CTNNA3: variants seen among roughly 807,000 people sequenced by gnomAD.
CTNNA3 encodes the protein catenin alpha 3, also known as catenin alpha-3.
In CTNNA3, 76 loss-of-function variants were observed where a neutral mutation model predicts 95.7. The observed-to-expected ratio is 0.79, with a 90% CI of 0.66 to 0.96. The LOEUF is 0.96. Among genes scored for constraint, CTNNA3 ranks in the 40% least tolerant of loss-of-function variants. The probability of loss-of-function intolerance (pLI) is 0.00; values close to 1 mark genes in which losing one functional copy is unlikely to be tolerated. For missense variants in CTNNA3, 1,191 were observed against 1,089.8 expected (o/e 1.09, Z -1.31); for synonymous variants, 431 against 374.4 (o/e 1.15, Z -1.74).
At chr10:67,082,082 G>A (rs1857085631) in intron 7 of CTNNA3, among the ~76,000 whole-genome samples, 1 of 152,172 alleles carries the variant, frequency 6.6e-6, no homozygotes, top group South Asian at 2.1e-4. Flanking sequence ...ATTGCAGATT[G>A]CAGTCAGCAT....
chr10:66,782,319 G>A (rs1030927833), intron 7 of CTNNA3, among the ~76,000 whole-genome samples: 1 of 151,982 alleles, frequency 6.6e-6, no homozygotes, highest in African/African-American at 2.4e-5. Flanking sequence ...GTCACACTTG[G>A]GTTTCTTGAA....
chr10:67,664,724 AAG>A (rs1282219320), intron 1 of CTNNA3, among the ~76,000 whole-genome samples: 1 of 152,220 alleles, frequency 6.6e-6, no homozygotes, highest in Non-Finnish European at 1.5e-5. Flanking sequence ...GGAATAAATA[AAG>A]AGTCATTCTA....
At chr10:67,567,659 G>A (rs187779611) in intron 3 of CTNNA3, among the ~76,000 whole-genome samples, 40 of 152,080 alleles carry the variant, frequency 2.6e-4, no homozygotes, top group South Asian at 8.3e-4. Flanking sequence ...CTATAGCCTC[G>A]GTAGTTATGC....
chr10:66,647,655 C>T (rs374587829), intron 9 of CTNNA3, among the ~76,000 whole-genome samples: 2 of 150,590 alleles, frequency 1.3e-5, no homozygotes, highest in East Asian at 2.0e-4. Flanking sequence ...GGACTACAGG[C>T]ACCTGCCACC....
intron 1 of CTNNA3, among the ~76,000 whole-genome samples, chr10:67,682,644 T>C (rs1840649907): frequency 6.6e-6 from 1 of 152,226 alleles, no homozygotes; most frequent in Non-Finnish European, 1.5e-5. Flanking sequence ...TTATGTGTAC[T>C]CTTGAATATT....
chr10:65,950,985 G>A lies in CTNNA3; in HGVS notation c.2400+15627C>T, dbSNP rs969552525. 3.3e-5 allele frequency among the ~76,000 whole-genome samples: 5 copies of A among 152,078 alleles called. No homozygotes were observed. In the East Asian group the frequency reaches 5.8e-4, roughly 18 times the overall value. On this transcript the variant is annotated intron_variant, in intron 17 of 17. Transcript: ENST00000433211. ...AAACAGATCACTGCCATTTGTGAGA[G>A]AGATACCACAGCAGTCTCAGTAAAC... is the stretch of plus-strand genomic sequence containing the variant.
At chr10:66,428,773 T>C (rs893689800) in intron 11 of CTNNA3, among the ~76,000 whole-genome samples, 3 of 152,032 alleles carry the variant, frequency 2.0e-5, no homozygotes, top group Non-Finnish European at 4.4e-5. Flanking sequence ...GGGAAATTTA[T>C]AGCACTAAAT....
chr10:67,346,723 T>A (rs1427337831), intron 5 of CTNNA3: 1 of 510,982 alleles, frequency 2.0e-6, no homozygotes, highest in East Asian at 5.5e-5. Flanking sequence ...TAATCCAAAT[T>A]TCTTCCCTCA....
At chr10:67,711,508 C>A (rs1273353021) in intron 1 of CTNNA3, among the ~76,000 whole-genome samples, 1 of 152,098 alleles carries the variant, frequency 6.6e-6, no homozygotes, top group Admixed American at 6.5e-5. Flanking sequence ...TTTGCCCCTT[C>A]CCTAAAGATG....
At chr10:66,612,313 G>A (rs1027457522) in intron 10 of CTNNA3, among the ~76,000 whole-genome samples, 1 of 152,048 alleles carries the variant, frequency 6.6e-6, no homozygotes, top group African/African-American at 2.4e-5. Flanking sequence ...AGTTGACACA[G>A]AATTTTCAAA....
intron 7 of CTNNA3, chr10:67,099,673 C>G (rs1858222985): frequency 6.6e-6 from 1 of 152,158 alleles, no homozygotes; most frequent in South Asian, 2.1e-4. Context: ...GAAGCAAATT[C>G]TATTACTAAT....
At chr10:67,432,738 CT>C (rs928834490) in intron 5 of CTNNA3, among the ~76,000 whole-genome samples, 1 of 152,024 alleles carries the variant, frequency 6.6e-6, no homozygotes, top group African/African-American at 2.4e-5. Context: ...AACATTCACT[CT>C]TTTGCCATAT....
rs115242229 is a variant in CTNNA3, at chr10:66,086,304, G to A, written c.1978-16815C>T. Among the ~76,000 whole-genome samples, 166 of 152,140 alleles carry A rather than the reference G, an allele frequency of 1.1e-3. 1 individual carries two copies. The highest frequency in any genetic ancestry group is 6.8e-3 in the Middle Eastern group (2 of 294). ...GGCTTCAATTAGTTAAGCTTTCAAA[G>A]GTAAAACTCTAGGGTGTTTGGAGGA... On this transcript the variant is annotated intron_variant, in intron 14 of 17. Transcript: ENST00000433211.
intron 5 of CTNNA3, among the ~76,000 whole-genome samples, chr10:67,221,604 G>A (rs968907454): frequency 2.6e-5 from 4 of 151,632 alleles, no homozygotes; most frequent in African/African-American, 7.3e-5. Flanking sequence ...TGACAGAGTC[G>A]CGCTCTGTCG....
In CTNNA3 at chr10:66,102,132, A is replaced by C. The variant is rs558516556; in HGVS notation, c.1977+1025T>G. Among the ~76,000 whole-genome samples, 3 of 152,298 alleles carry C rather than the reference A, an allele frequency of 2.0e-5. No homozygotes were observed. In the East Asian group the frequency reaches 5.8e-4, roughly 29 times the overall value. ...CAATATAAGTGCTTCAACATCAGAT[A>C]CAACCATAAGAGGCCAGAAAACAGA... On this transcript the variant is annotated intron_variant, in intron 14 of 17. Transcript: ENST00000433211.
At chr10:67,074,414 G>C (rs1252395745) in intron 7 of CTNNA3, among the ~76,000 whole-genome samples, 1 of 127,536 alleles carries the variant, frequency 7.8e-6, no homozygotes, top group Non-Finnish European at 1.6e-5. Flanking sequence ...GCAGTGGCAC[G>C]ATCTCGGCTC....
intron 7 of CTNNA3, among the ~76,000 whole-genome samples, chr10:66,857,970 C>T (rs1843746360): frequency 6.6e-6 from 1 of 152,020 alleles, no homozygotes; most frequent in East Asian, 1.9e-4. Flanking sequence ...ACAGGGCATC[C>T]TTGTCTTGTT....
intron 5 of CTNNA3, among the ~76,000 whole-genome samples, chr10:67,391,427 C>T (rs959616594): frequency 6.6e-6 from 1 of 152,130 alleles, no homozygotes; most frequent in Admixed American, 6.5e-5. Flanking sequence ...AATGGAAGAA[C>T]ATTCCACGCT....
At chr10:65,959,257 G>A (rs762251940) in intron 17 of CTNNA3, among the ~76,000 whole-genome samples, 1 of 152,142 alleles carries the variant, frequency 6.6e-6, no homozygotes, top group African/African-American at 2.4e-5. Context: ...CAGTATTAGG[G>A]TGGGAGTGTC....
Sources: gnomAD v4.1 joint callset for allele counts (sites outside exome capture counted in the v4.1 genomes callset) on GRCh38, gnomAD v4.1.1 for gene constraint, MANE v1.5 for transcripts, NCBI Gene and HGNC (gene_info 2026-07-23, HGNC 2026-07-21) for gene names.